RADIL: variants seen among roughly 807,000 people sequenced by gnomAD.
RADIL encodes ras-associating and dilute domain-containing protein.
Under a neutral mutation model 97.6 loss-of-function variants are expected in RADIL, and 99 were observed. The ratio of observed to expected loss-of-function variants is 1.01; its 90% CI spans 0.86 to 1.20. The LOEUF is 1.20. Among genes scored for constraint, RADIL ranks in the 50% most tolerant of loss-of-function variants. The probability of loss-of-function intolerance (pLI) is 0.00; values close to 1 mark genes in which losing one functional copy is unlikely to be tolerated. For synonymous variants in RADIL, 803 were observed against 691.8 expected (o/e 1.16, Z -2.52); for missense variants, 1,765 against 1,498.9 (o/e 1.18, Z -2.93).
intron 2 of RADIL, among the ~76,000 whole-genome samples, chr7:4,876,686 G>A (rs1472834395): frequency 6.6e-6 from 1 of 152,212 alleles, no homozygotes; most frequent in Non-Finnish European, 1.5e-5. Context: ...GTGGGCCCCA[G>A]GCCCCGGGGC....
intron 2 of RADIL, chr7:4,860,696 T>C: frequency 1.2e-6 from 2 of 1,614,236 alleles, no homozygotes; most frequent in South Asian, 1.1e-5. Context: ...ATAATGCTTG[T>C]ACTTTTGAAA....
At position 4,834,519 on chromosome 7, in the gene RADIL, G is replaced by T; in HGVS notation, c.1416+88C>A. Reference sequence around the variant, plus strand: ...AGCACCGTGGGGGTCAGATAGAGGCGCTCCCGCCTCCCAGCCGGGGCCAGC... The same window carrying T: ...AGCACCGTGGGGGTCAGATAGAGGCTCTCCCGCCTCCCAGCCGGGGCCAGC... On this transcript the variant is annotated intron_variant, in intron 4 of 14. Coordinates refer to ENST00000399583, the MANE Select transcript of RADIL (RefSeq NM_018059.5). This position sits in a 1 kb window ranked among gnomAD's most constrained non-coding sequence, Gnocchi z 6.0. 2 of 1,247,160 alleles carry T rather than the reference G, an allele frequency of 1.6e-6. No homozygotes were observed. The highest frequency in any genetic ancestry group is 2.0e-6 in the Non-Finnish European group (2 of 993,908). The allele number at this position is 1,247,160 out of a possible 1,614,324, so 77.3% of individuals were successfully genotyped here. A position where few individuals can be genotyped will look rare whatever the true frequency, so the allele number is the denominator to read the frequency against.
At chr7:4,825,883 GAAAAAAAAAAA>G (rs540147941) in intron 5 of RADIL, among the ~76,000 whole-genome samples, 115 of 51,034 alleles carry the variant, frequency 2.3e-3, no homozygotes, top group African/African-American at 5.3e-3. Flanking sequence ...CTCCGTCTCA[GAAAAAAAAAAA>G]AAAAAAAAAA....
At chr7:4,833,770 G>C (rs1004524747) in intron 4 of RADIL, among the ~76,000 whole-genome samples, 2 of 150,422 alleles carry the variant, frequency 1.3e-5, no homozygotes, top group African/African-American at 5.0e-5. Flanking sequence ...GTCCCTGGGA[G>C]CCAAGTCACT....
At position 4,840,958 on chromosome 7, in the gene RADIL, C is replaced by T. The variant is rs954859918; in HGVS notation, c.536-4353G>A. Among the ~76,000 whole-genome samples the T allele has an allele frequency of 1.3e-5, 2 of 152,186 alleles. No homozygotes were observed. The highest frequency in any genetic ancestry group is 1.3e-4 in the Admixed American group (2 of 15,276). ...CTCCAGCCTGGGTGACAGAGCGAGA[C>T]TCCGTCTCAAAACAAAACAAAACAA... On this transcript the variant is annotated intron_variant, in intron 2 of 14. Transcript: ENST00000399583. This position sits in a 1 kb window ranked among gnomAD's most constrained non-coding sequence, Gnocchi z 5.6.
rs552979523 is a variant in RADIL, at chr7:4,879,586, G to A, written c.-64-1383C>T. 2.0e-5 allele frequency among the ~76,000 whole-genome samples: 3 copies of A among 152,268 alleles called. No individual in the cohort carries two copies. Among genetic ancestry groups the A allele is most frequent in the East Asian group, 1.9e-4 (1 of 5,176 alleles). ...GCACGGGTCGCCTGCCACTGCGACC[G>A]GGGTCAGTACTAAACACCGCAGCAG... On this transcript the variant is annotated intron_variant, in intron 1 of 14. Coordinates refer to ENST00000399583, the MANE Select transcript of RADIL (RefSeq NM_018059.5). The surrounding 1 kb of genome is among the most constrained non-coding windows in gnomAD (Gnocchi z 4.1).
At chr7:4,836,959 G>A (rs865833152) in intron 2 of RADIL, among the ~76,000 whole-genome samples, 2 of 152,084 alleles carry the variant, frequency 1.3e-5, no homozygotes, top group South Asian at 4.2e-4. Context: ...AAACAGGTAA[G>A]TCTAATAGCG....
rs1448513227 is a variant in RADIL, at chr7:4,836,551, G to T, written c.590C>A (p.Thr197Asn). 6.2e-7 allele frequency: 1 copy of T among 1,607,874 alleles called. No homozygotes were observed. The highest frequency in any genetic ancestry group is 8.5e-7 in the Non-Finnish European group (1 of 1,179,504). Residue 197 changes from threonine to asparagine, a missense_variant, in exon 3 of 15, where the codon ACC becomes AAC. Transcript: ENST00000399583. ...GCTCCGGGCATCCCCCAGGGCCGGG[G>T]TCGGGGTTCCCTTCGCGCGACTCCG... ...LQRSRAKGTP[T>N]PALGDARSSP...
rs1290758447 is a variant in RADIL, at chr7:4,837,307, C to T, written c.536-702G>A. Among the ~76,000 whole-genome samples, 4 of 152,228 alleles carry T rather than the reference C, an allele frequency of 2.6e-5. No individual in the cohort carries two copies. The highest frequency in any genetic ancestry group is 1.9e-4 in the East Asian group (1 of 5,194). ...AGCCTGGGCCTCTGCAGGGTCACCACGCCGCCTCCAGAGCCCTGCCCCATC... is the reference window on the plus strand; with the variant it reads ...AGCCTGGGCCTCTGCAGGGTCACCATGCCGCCTCCAGAGCCCTGCCCCATC... On this transcript the variant is annotated intron_variant, in intron 2 of 14. Coordinates refer to ENST00000399583, the MANE Select transcript of RADIL (RefSeq NM_018059.5). This position sits in a 1 kb window ranked among gnomAD's most constrained non-coding sequence, Gnocchi z 5.6.
At chr7:4,839,845 C>T (rs946200158) in intron 2 of RADIL, among the ~76,000 whole-genome samples, 8 of 152,024 alleles carry the variant, frequency 5.3e-5, no homozygotes, top group Admixed American at 2.6e-4. Flanking sequence ...CTCCTGGGTT[C>T]GAGTGATTTT....
intron 5 of RADIL, among the ~76,000 whole-genome samples, chr7:4,828,393 G>C (rs1021108984): frequency 6.6e-6 from 1 of 152,250 alleles, no homozygotes; most frequent in African/African-American, 2.4e-5. Flanking sequence ...AGGAGGTGGA[G>C]GTTGCAGCAA....
chr7:4,836,658 C>T, intron 2 of RADIL, 53 bp from the exon 3 acceptor site: 1 of 1,597,808 alleles, frequency 6.3e-7, no homozygotes. Flanking sequence ...AGCACCAGGA[C>T]TGGGCGCGGT....
intron 2 of RADIL, among the ~76,000 whole-genome samples, chr7:4,875,472 C>A (rs1253402913): frequency 6.6e-6 from 1 of 152,202 alleles, no homozygotes; most frequent in African/African-American, 2.4e-5. Context: ...CCATCCTACA[C>A]TGGCAGTCGC....
rs533343819 is a variant in RADIL at position 4,803,582 on chromosome 7, C to CCTGCCAGGG, written c.2454_2462dup (p.Ser818_Gly820dup). 0.024 allele frequency: 37,405 copies of CCTGCCAGGG among 1,534,966 alleles called. 877 individuals are homozygous for CCTGCCAGGG. Among genetic ancestry groups the CCTGCCAGGG allele is most frequent in the African/African-American group, 0.075 (4,759 of 63,632 alleles). ...CTGGCTGGGAGGCCCCACTGCCAGGCCTGCCAGGGCTGCCGGGGCTGGCTC... is the reference window on the plus strand; with the variant it reads ...CTGGCTGGGAGGCCCCACTGCCAGGCCTGCCAGGGCTGCCAGGGCTGCCGGGGCTGGCTC... On this transcript the variant is annotated inframe_insertion, in exon 11 of 15. Coordinates refer to ENST00000399583, the MANE Select transcript of RADIL (RefSeq NM_018059.5).
intron 2 of RADIL, among the ~76,000 whole-genome samples, chr7:4,864,743 T>C (rs534956194): frequency 2.0e-5 from 3 of 152,290 alleles, no homozygotes; most frequent in Admixed American, 2.0e-4. Context: ...ATACTTAAAA[T>C]CCCTCTACTG....
In RADIL at chr7:4,803,703, T is replaced by C; in HGVS notation, c.2342A>G (p.Asp781Gly). 6.4e-7 allele frequency: 1 copy of C among 1,567,076 alleles called. No individual in the cohort carries two copies. Among genetic ancestry groups the C allele is most frequent in the Non-Finnish European group, 8.6e-7 (1 of 1,156,656 alleles). Residue 781 changes from aspartate to glycine, a missense_variant, in exon 11 of 15, where the codon GAC becomes GGC. Asp to Gly is a moderately conservative substitution (Grantham distance 94). Coordinates refer to ENST00000399583, the MANE Select transcript of RADIL (RefSeq NM_018059.5). ...GGCTTCCAAGTCCACCTGGAAGCCG[T>C]CGCTGGGCAGGACGATGGGTGGGGG... Reference protein sequence around the residue: ...ENPPPIVLPSDGFQVDLEANC... With the variant: ...ENPPPIVLPSGGFQVDLEANC...
chr7:4,804,935 G>C (rs942178455), intron 10 of RADIL, among the ~76,000 whole-genome samples: 5 of 151,030 alleles, frequency 3.3e-5, no homozygotes, highest in Non-Finnish European at 3.0e-5. Context: ...CTCTACTAAA[G>C]ATTCAAAAAT....
In RADIL at chr7:4,817,212, G is replaced by C; in HGVS notation, c.1728+27C>G. 2 of 1,586,918 alleles carry C rather than the reference G, an allele frequency of 1.3e-6. No homozygotes were observed. Among genetic ancestry groups the C allele is most frequent in the Non-Finnish European group, 1.7e-6 (2 of 1,160,212 alleles). ...CCACTTGATCCCAGGAGCTGCCTGAGTGCAGAAGCAGAGCCCGTCCGTGCA... is the reference window on the plus strand; with the variant it reads ...CCACTTGATCCCAGGAGCTGCCTGACTGCAGAAGCAGAGCCCGTCCGTGCA... On this transcript the variant is annotated intron_variant, in intron 7 of 14. Transcript: ENST00000399583. This position sits in a 1 kb window ranked among gnomAD's most constrained non-coding sequence, Gnocchi z 8.3.
intron 5 of RADIL, among the ~76,000 whole-genome samples, chr7:4,830,453 A>G (rs1270555954): frequency 2.0e-5 from 3 of 152,174 alleles, no homozygotes; most frequent in Non-Finnish European, 2.9e-5. Flanking sequence ...GCCGTTGGAG[A>G]GTGGCGGTGC....
Sources: allele counts gnomAD v4.1 joint callset (sites outside exome capture counted in the v4.1 genomes callset), GRCh38; gene constraint gnomAD v4.1.1; non-coding constraint Gnocchi (gnomAD v3.1); transcripts MANE v1.5; gene names NCBI Gene and HGNC (gene_info 2026-07-23, HGNC 2026-07-21).